The following MYO1E variants were observed in gnomAD, a reference collection of about 807,000 sequenced individuals.
MYO1E encodes the protein unconventional myosin-Ie.
In MYO1E, 68 loss-of-function variants were observed where a neutral mutation model predicts 151.1. The ratio of observed to expected loss-of-function variants is 0.45; its 90% CI spans 0.37 to 0.55. The LOEUF is 0.55. MYO1E is among the 20% of genes least tolerant of loss of function. The probability of loss-of-function intolerance (pLI) is 0.00; values close to 1 mark genes in which losing one functional copy is unlikely to be tolerated. For synonymous variants in MYO1E, 601 were observed against 501.7 expected (o/e 1.20, Z -2.64); for missense variants, 1,363 against 1,389.3 (o/e 0.98, Z 0.30).
chr15:59,236,553 T>C (rs1486814463), intron 5 of MYO1E, 32 bp downstream of exon 5: 1 of 1,542,418 alleles, frequency 6.5e-7, no homozygotes, highest in Non-Finnish European at 9.0e-7. Context: ...TCCCATAACA[T>C]AAGGTATCAT....
chr15:59,247,896 C>T (rs1167047137), intron 4 of MYO1E, among the ~76,000 whole-genome samples: 3 of 151,946 alleles, frequency 2.0e-5, no homozygotes. Context: ...CTGAGGCAGG[C>T]AGATCACTTG....
At chr15:59,247,158 T>C (rs1362541335) in intron 4 of MYO1E, among the ~76,000 whole-genome samples, 1 of 152,174 alleles carries the variant, frequency 6.6e-6, no homozygotes, top group Non-Finnish European at 1.5e-5. Flanking sequence ...ATTGTGCCAC[T>C]GCACTCCAGC....
intron 1 of MYO1E, among the ~76,000 whole-genome samples, chr15:59,338,315 G>GTTTTTATTTTTT: frequency 6.8e-6 from 1 of 146,172 alleles, no homozygotes. Context: ...TGAAAGAGGA[G>GTTTTTATTTTTT]TTGAAATGTC....
intron 1 of MYO1E, among the ~76,000 whole-genome samples, chr15:59,307,266 CAT>C (rs2080520120): frequency 6.6e-6 from 1 of 152,198 alleles, no homozygotes; most frequent in South Asian, 2.1e-4. Flanking sequence ...TCCAGTGGCA[CAT>C]GAGCATAGGC....
chr15:59,227,956 C>T (rs760391866), intron 6 of MYO1E, among the ~76,000 whole-genome samples: 17 of 152,288 alleles, frequency 1.1e-4, no homozygotes, highest in South Asian at 6.2e-4. Flanking sequence ...TGTCAGGCTT[C>T]ATCTCATGGC....
intron 1 of MYO1E, among the ~76,000 whole-genome samples, chr15:59,355,155 A>C (rs570386416): frequency 6.6e-6 from 1 of 152,178 alleles, no homozygotes; most frequent in African/African-American, 2.4e-5. Context: ...ATTCTACCCC[A>C]TGCCAGAAAT....
intron 26 of MYO1E, among the ~76,000 whole-genome samples, chr15:59,138,814 A>G (rs541328312): frequency 6.6e-6 from 1 of 152,236 alleles, no homozygotes; most frequent in South Asian, 2.1e-4. Context: ...TGTATTAACC[A>G]TTCTCTGGCT....
chr15:59,219,503 G>A (rs1053343180), intron 9 of MYO1E, among the ~76,000 whole-genome samples: 8 of 152,138 alleles, frequency 5.3e-5, no homozygotes, highest in Admixed American at 6.5e-5. Flanking sequence ...AGAATATAAC[G>A]GGCTGACATT....
intron 1 of MYO1E, among the ~76,000 whole-genome samples, chr15:59,306,210 A>C (rs1450815203): frequency 6.6e-6 from 1 of 152,210 alleles, no homozygotes; most frequent in Non-Finnish European, 1.5e-5. Flanking sequence ...CAGAATCCAA[A>C]ATAAGGGAAA....
Position 59,231,805 on chromosome 15 carries a change from T to G in MYO1E, c.421-14A>C, listed in dbSNP as rs201452431. The G allele has an allele frequency of 5.0e-6, 8 of 1,613,650 alleles. No individual in the cohort carries two copies. Among genetic ancestry groups the G allele is most frequent in the South Asian group, 1.1e-5 (1 of 91,088 alleles). On this transcript the variant is annotated splice_polypyrimidine_tract_variant and intron_variant, in intron 5 of 27. Coordinates refer to ENST00000288235, the MANE Select transcript of MYO1E (RefSeq NM_004998.4). ...GTCCTTCACGTGCTGTCCCAGCAAATAGACCGGAGGTTAGGAAGGTGTGAA... is the reference window on the plus strand; with the variant it reads ...GTCCTTCACGTGCTGTCCCAGCAAAGAGACCGGAGGTTAGGAAGGTGTGAA...
rs1181073319 is a variant in MYO1E at position 59,195,549 on chromosome 15, C to G, written c.1717G>C (p.Val573Leu). 5.6e-6 allele frequency: 9 copies of G among 1,613,862 alleles called. No individual in the cohort carries two copies. The highest frequency in any genetic ancestry group is 7.6e-6 in the Non-Finnish European group (9 of 1,179,864). Residue 573 changes from valine to leucine, a missense_variant, in exon 17 of 28, where the codon GTG becomes CTG. Physicochemically the swap from Val to Leu is conservative, Grantham distance 32. Coordinates refer to ENST00000288235, the MANE Select transcript of MYO1E (RefSeq NM_004998.4). The part of the protein sequence containing the change: ...SKIKKQANDL[V>L]STLMKCTPHY... ...GGCGTACATTTCATCAGGGTGCTCA[C>G]AAGGTCATTGGCTTGTTTCTAGAAA...
intron 1 of MYO1E, among the ~76,000 whole-genome samples, chr15:59,353,356 CA>C (rs1205997737): frequency 1.4e-3 from 80 of 57,554 alleles, no homozygotes; most frequent in African/African-American, 3.9e-3. Flanking sequence ...GACCCTGTCT[CA>C]AAAAAAAAAA....
intron 4 of MYO1E, among the ~76,000 whole-genome samples, chr15:59,253,250 A>G (rs1354185860): frequency 6.6e-6 from 1 of 152,204 alleles, no homozygotes; most frequent in Non-Finnish European, 1.5e-5. Flanking sequence ...TAATTTTCCC[A>G]CATAGTTTTT....
intron 16 of MYO1E, among the ~76,000 whole-genome samples, chr15:59,198,169 G>T (rs2079779412): frequency 6.6e-6 from 1 of 152,134 alleles, no homozygotes; most frequent in Admixed American, 6.5e-5. Context: ...CCCAACCTTG[G>T]GTCAACTTAA....
chr15:59,244,575 G>C (rs1200439987), intron 4 of MYO1E, among the ~76,000 whole-genome samples: 2 of 152,200 alleles, frequency 1.3e-5, no homozygotes, highest in African/African-American at 4.8e-5. Context: ...ATGACTGAAA[G>C]TGGTAATGGA....
chr15:59,232,221 T>C (rs1394602778), intron 5 of MYO1E, among the ~76,000 whole-genome samples: 5 of 152,194 alleles, frequency 3.3e-5, no homozygotes, highest in African/African-American at 1.2e-4. Flanking sequence ...TCACTGCAAG[T>C]TACCTTAAGG....
chr15:59,205,565 T>A, intron 14 of MYO1E, 80 bp from the exon 15 acceptor site: 1 of 1,382,462 alleles, frequency 7.2e-7, no homozygotes, highest in Non-Finnish European at 1.0e-6. Context: ...GAACAAAAAA[T>A]CTAATTTCAC....
intron 1 of MYO1E, among the ~76,000 whole-genome samples, chr15:59,273,505 C>T (rs2080300341): frequency 2.0e-5 from 3 of 152,134 alleles, no homozygotes; most frequent in Admixed American, 2.0e-4. Flanking sequence ...TAAACACACA[C>T]AAAATGGGTG....
At chr15:59,341,733 C>A (rs895973286) in intron 1 of MYO1E, among the ~76,000 whole-genome samples, 1 of 152,068 alleles carries the variant, frequency 6.6e-6, no homozygotes, top group East Asian at 1.9e-4. Context: ...TGTACCACAT[C>A]TTCTTTATGT....
Sources: gnomAD v4.1 joint callset for allele counts (sites outside exome capture counted in the v4.1 genomes callset) on GRCh38, gnomAD v4.1.1 for gene constraint, MANE v1.5 for transcripts, NCBI Gene and HGNC (gene_info 2026-07-23, HGNC 2026-07-21) for gene names.